SORCS1: variants seen among roughly 807,000 people sequenced by gnomAD.
SORCS1 encodes VPS10 domain-containing receptor SorCS1.
Under a neutral mutation model 146.1 loss-of-function variants are expected in SORCS1, and 60 were observed. That is an observed-to-expected ratio of 0.41 (90% CI 0.33 to 0.51). SORCS1 has a LOEUF of 0.51. Among genes scored for constraint, SORCS1 ranks in the 20% least tolerant of loss-of-function variants. The probability of loss-of-function intolerance (pLI) is 0.21; values close to 1 mark genes in which losing one functional copy is unlikely to be tolerated. For missense variants in SORCS1, 1,352 were observed against 1,487.6 expected, an observed-to-expected ratio of 0.91 and a Z score of 1.50; for synonymous variants, 637 against 584.0, an observed-to-expected ratio of 1.09 and a Z score of -1.31.
At chr10:106,805,479 T>C (rs1162126610) in intron 3 of SORCS1, among the ~76,000 whole-genome samples, 2 of 152,136 alleles carry the variant, frequency 1.3e-5, no homozygotes, top group East Asian at 1.9e-4. Flanking sequence ...ATATGTTAAG[T>C]AGAAAGGACC....
At chr10:107,157,598 A>G (rs1969387890) in intron 1 of SORCS1, among the ~76,000 whole-genome samples, 1 of 152,236 alleles carries the variant, frequency 6.6e-6, no homozygotes, top group Non-Finnish European at 1.5e-5. Flanking sequence ...AGAAATAGAC[A>G]CAATATCTTT....
chr10:106,711,349 T>C (rs544855256), intron 6 of SORCS1, among the ~76,000 whole-genome samples: 12 of 152,348 alleles, frequency 7.9e-5, no homozygotes, highest in African/African-American at 2.6e-4. Flanking sequence ...AGATGATTAT[T>C]TACAGGAAAT....
intron 3 of SORCS1, among the ~76,000 whole-genome samples, chr10:106,809,708 G>A (rs1947365398): frequency 6.6e-6 from 1 of 152,120 alleles, no homozygotes; most frequent in African/African-American, 2.4e-5. Context: ...GAATCTGTTT[G>A]TAGGCTGATA....
At chr10:107,083,106 C>T (rs1963463944) in intron 1 of SORCS1, among the ~76,000 whole-genome samples, 1 of 112,534 alleles carries the variant, frequency 8.9e-6, no homozygotes, top group African/African-American at 3.6e-5. Context: ...AAGACTCCAA[C>T]TCACAAAAAA....
intron 1 of SORCS1, among the ~76,000 whole-genome samples, chr10:106,994,509 A>G (rs991186369): frequency 5.9e-5 from 9 of 152,384 alleles, no homozygotes; most frequent in East Asian, 3.8e-4. Flanking sequence ...GCCAACAGAC[A>G]GTTTGGAAAA....
chr10:106,852,525 G>A (rs1949625773), intron 2 of SORCS1, among the ~76,000 whole-genome samples: 1 of 151,248 alleles, frequency 6.6e-6, no homozygotes, highest in Non-Finnish European at 1.5e-5. Flanking sequence ...CTACTCAAGA[G>A]GCTGAGGCAG....
intron 1 of SORCS1, among the ~76,000 whole-genome samples, chr10:107,067,291 CTTAACTT>C (rs1182103381): frequency 7.8e-6 from 1 of 127,396 alleles, no homozygotes; most frequent in African/African-American, 3.4e-5. Flanking sequence ...CTTAGTTCAA[CTTAACTT>C]TTTTTTTTTT....
chr10:106,861,469 G>A (rs1046468770), intron 2 of SORCS1, among the ~76,000 whole-genome samples: 1 of 151,616 alleles, frequency 6.6e-6, no homozygotes, highest in Non-Finnish European at 1.5e-5. Flanking sequence ...ATGTTACTTG[G>A]CTCTCCTAGC....
chr10:106,989,324 T>G (rs1389746919), intron 1 of SORCS1, among the ~76,000 whole-genome samples: 1 of 150,608 alleles, frequency 6.6e-6, no homozygotes, highest in Non-Finnish European at 1.5e-5. Context: ...TTCCTAAAAT[T>G]TCCTTCGAGG....
At chr10:106,926,459 G>A (rs1453212087) in intron 2 of SORCS1, among the ~76,000 whole-genome samples, 1 of 152,072 alleles carries the variant, frequency 6.6e-6, no homozygotes, top group African/African-American at 2.4e-5. Context: ...AAAAGTAACT[G>A]CCTGAATGGG....
chr10:106,917,954 A>G lies in SORCS1; in HGVS notation c.626+38559T>C, dbSNP rs1445102081. On this transcript the variant is annotated intron_variant, in intron 2 of 25. Transcript: ENST00000263054. ...TTCTTCCTTAGTAATTGTTTTCTCA[A>G]TAGCTGCAGCTCATTTTGAACATCC... Among the ~76,000 whole-genome samples, 26 of 152,178 alleles carry G rather than the reference A, an allele frequency of 1.7e-4. 1 individual carries two copies. The highest frequency in any genetic ancestry group is 1.5e-5 in the Non-Finnish European group (1 of 68,024).
rs368881984 is a variant in SORCS1 at position 107,164,047 on chromosome 10, C to G, written c.480G>C (p.Leu160=). The change falls in exon 1 of 26, where the codon CTG becomes CTC. Residue 160 remains leucine (L), a synonymous_variant. Transcript: ENST00000263054. This position sits in a 1 kb window ranked among gnomAD's most constrained non-coding sequence, Gnocchi z 6.8. ...ATRFRMEELR[L]TSTTFALTGD... is the part of the protein sequence containing the mutation. ...CCGTCAGCGCAAACGTGGTGCTGGTCAGTCTCAGCTCCTCCATCCGGAAGC... is the reference window on the plus strand; with the variant it reads ...CCGTCAGCGCAAACGTGGTGCTGGTGAGTCTCAGCTCCTCCATCCGGAAGC... 14 of 1,613,978 alleles carry G rather than the reference C, an allele frequency of 8.7e-6. No individual in the cohort carries two copies. Among genetic ancestry groups the G allele is most frequent in the African/African-American group, 1.3e-5 (1 of 74,904 alleles).
chr10:106,800,757 G>A (rs1946827439), intron 3 of SORCS1, among the ~76,000 whole-genome samples: 1 of 151,946 alleles, frequency 6.6e-6, no homozygotes, highest in Admixed American at 6.6e-5. Context: ...TAGCCAGGAT[G>A]GTCTCGATCT....
intron 1 of SORCS1, among the ~76,000 whole-genome samples, chr10:107,023,458 A>G (rs1958245050): frequency 6.6e-6 from 1 of 152,182 alleles, no homozygotes; most frequent in South Asian, 2.1e-4. Context: ...TTTTTCATGC[A>G]CCAAATTTAA....
At chr10:106,852,627 C>CAAAAAAAA (rs370300215) in intron 2 of SORCS1, among the ~76,000 whole-genome samples, 3 of 85,006 alleles carry the variant, frequency 3.5e-5, no homozygotes, top group Admixed American at 1.4e-4. Flanking sequence ...GACCCTGTCT[C>CAAAAAAAA]AAAAAAAAAA....
chr10:106,926,485 A>C (rs1478188892), intron 2 of SORCS1, among the ~76,000 whole-genome samples: 1 of 152,200 alleles, frequency 6.6e-6, no homozygotes, highest in African/African-American at 2.4e-5. Context: ...GTGAGAATTA[A>C]ATGAGATGAT....
intron 18 of SORCS1, among the ~76,000 whole-genome samples, chr10:106,631,194 T>C (rs1234119127): frequency 1.3e-5 from 2 of 152,206 alleles, no homozygotes; most frequent in East Asian, 1.9e-4. Flanking sequence ...CAGCCAAGCA[T>C]TGTGTGTGGG....
intron 1 of SORCS1, among the ~76,000 whole-genome samples, chr10:106,965,725 G>A (rs1589809038): frequency 1.3e-5 from 2 of 152,224 alleles, no homozygotes; most frequent in African/African-American, 4.8e-5. Context: ...CTGGTATCCT[G>A]TCTAATATGG....
chr10:106,633,024 G>A (rs1274833052), intron 18 of SORCS1, among the ~76,000 whole-genome samples: 1 of 152,062 alleles, frequency 6.6e-6, no homozygotes, highest in Non-Finnish European at 1.5e-5. Flanking sequence ...AAAAAAGAAG[G>A]AGGAAAAAGA....
Sources: allele counts gnomAD v4.1 joint callset (sites outside exome capture counted in the v4.1 genomes callset), GRCh38; gene constraint gnomAD v4.1.1; non-coding constraint Gnocchi (gnomAD v3.1); transcripts MANE v1.5; gene names NCBI Gene and HGNC (gene_info 2026-07-23, HGNC 2026-07-21).